The following CRPPA variants were observed in gnomAD, a reference collection of about 807,000 sequenced individuals.
The protein encoded by CRPPA is D-ribitol-5-phosphate cytidylyltransferase.
Under a neutral mutation model 52.0 loss-of-function variants are expected in CRPPA, and 43 were observed. That is an observed-to-expected ratio of 0.83 (90% CI 0.65 to 1.07). The LOEUF is 1.07. CRPPA is among the 50% of genes least tolerant of loss of function. The probability of loss-of-function intolerance (pLI) is 0.00; values close to 1 mark genes in which losing one functional copy is unlikely to be tolerated. For missense variants in CRPPA, 629 were observed against 551.7 expected, an observed-to-expected ratio of 1.14 and a Z score of -1.40; for synonymous variants, 250 against 203.5, an observed-to-expected ratio of 1.23 and a Z score of -1.94.
intron 9 of CRPPA, among the ~76,000 whole-genome samples, chr7:16,198,864 T>C (rs1781792008): frequency 1.3e-5 from 2 of 152,094 alleles, no homozygotes; most frequent in Non-Finnish European, 2.9e-5. Context: ...CTGAATTTTA[T>C]ATAATATAAA....
intron 5 of CRPPA, among the ~76,000 whole-genome samples, chr7:16,283,383 T>C (rs1357160193): frequency 6.6e-6 from 1 of 150,496 alleles, no homozygotes; most frequent in Non-Finnish European, 1.5e-5. Context: ...AGAACACAAA[T>C]AGCTTCCCTT....
rs139847056 is a variant in CRPPA at position 16,399,629 on chromosome 7, C to T, written c.534+6432G>A. Reference sequence around the variant, plus strand: ...GTGTCCAACACGTGACTGACCCGATCGACACATGATCGACATGTAATCAAC... The same window carrying T: ...GTGTCCAACACGTGACTGACCCGATTGACACATGATCGACATGTAATCAAC... On this transcript the variant is annotated intron_variant, in intron 2 of 9. Transcript: ENST00000407010. Among the ~76,000 whole-genome samples, 37 of 151,272 alleles carry T rather than the reference C, an allele frequency of 2.4e-4. No homozygotes were observed. The East Asian group carries it at 3.6e-3, about 15-fold the overall frequency.
rs1327673170 is a variant in CRPPA at position 16,376,166 on chromosome 7, C to G, written c.610G>C (p.Glu204Gln). 4 of 1,613,244 alleles carry G rather than the reference C, an allele frequency of 2.5e-6. No homozygotes were observed. In the East Asian group the frequency reaches 8.9e-5, roughly 36 times the overall value. ...TCACTTGCTCTGTGTCTGGCACGTTCTAGCGAGTAGTCTAAGCAACCATCA... is the reference window on the plus strand; with the variant it reads ...TCACTTGCTCTGTGTCTGGCACGTTGTAGCGAGTAGTCTAAGCAACCATCA... ...SADGCLDYSL[E>Q]RARHRASEMP... is the part of the protein sequence containing the mutation. Residue 204 changes from glutamate to glutamine, a missense_variant, in exon 3 of 10, where the codon GAA (glutamate) becomes CAA (glutamine). Coordinates refer to ENST00000407010, the MANE Select transcript of CRPPA (RefSeq NM_001101426.4).
chr7:16,143,085 A>G (rs1292701018), intron 9 of CRPPA, among the ~76,000 whole-genome samples: 1 of 152,204 alleles, frequency 6.6e-6, no homozygotes, highest in Non-Finnish European at 1.5e-5. Context: ...CAAACAAGGT[A>G]CTGAGAACAG....
chr7:16,409,113 G>A (rs751545064), intron 1 of CRPPA, among the ~76,000 whole-genome samples: 1 of 152,148 alleles, frequency 6.6e-6, no homozygotes, highest in Non-Finnish European at 1.5e-5. Context: ...TACTGGCCAG[G>A]CTGGTCTCTA....
chr7:16,382,558 G>A (rs1006816470), intron 2 of CRPPA, among the ~76,000 whole-genome samples: 2 of 151,982 alleles, frequency 1.3e-5, no homozygotes, highest in Middle Eastern at 3.2e-3. Context: ...GATTGGGGAA[G>A]TTCTCCTGGA....
chr7:16,238,862 G>A (rs895059417), intron 8 of CRPPA, among the ~76,000 whole-genome samples: 1 of 152,108 alleles, frequency 6.6e-6, no homozygotes, highest in Non-Finnish European at 1.5e-5. Context: ...TTAGGTCTGG[G>A]CACAGTGGCT....
intron 9 of CRPPA, among the ~76,000 whole-genome samples, chr7:16,114,435 A>G (rs1419776355): frequency 6.6e-6 from 1 of 152,088 alleles, no homozygotes; most frequent in African/African-American, 2.4e-5. Flanking sequence ...CTGTTCTGCC[A>G]TAAATGTTTG....
rs574959061 is a variant in CRPPA, at chr7:16,245,714, A to C, written c.1119+12676T>G. Among the ~76,000 whole-genome samples, 4 of 152,336 alleles carry C rather than the reference A, an allele frequency of 2.6e-5. No homozygotes were observed. The South Asian group carries it at 8.3e-4, about 32-fold the overall frequency. ...AATATTGGGAGTTTCCCTCCAGACTACTGGAGCCAATAAAGCAAATATCAC... is the reference window on the plus strand; with the variant it reads ...AATATTGGGAGTTTCCCTCCAGACTCCTGGAGCCAATAAAGCAAATATCAC... On this transcript the variant is annotated intron_variant, in intron 8 of 9. Transcript: ENST00000407010.
chr7:16,215,629 T>A (rs367580419), intron 9 of CRPPA, among the ~76,000 whole-genome samples: 1 of 152,224 alleles, frequency 6.6e-6, no homozygotes, highest in Non-Finnish European at 1.5e-5. Context: ...TAACATAACA[T>A]AAAAGTAAAT....
chr7:16,138,840 C>G (rs1310469150), intron 9 of CRPPA, among the ~76,000 whole-genome samples: 1 of 152,118 alleles, frequency 6.6e-6, no homozygotes, highest in Non-Finnish European at 1.5e-5. Context: ...TCACTCCTGT[C>G]GCCCAGGCAA....
chr7:16,385,933 G>T (rs1230155625), intron 2 of CRPPA, among the ~76,000 whole-genome samples: 1 of 152,096 alleles, frequency 6.6e-6, no homozygotes, highest in Non-Finnish European at 1.5e-5. Context: ...TCTAGGGGTG[G>T]GTACCCATGA....
intron 9 of CRPPA, among the ~76,000 whole-genome samples, chr7:16,118,274 T>C (rs1337523940): frequency 2.6e-5 from 4 of 152,194 alleles, no homozygotes; most frequent in Admixed American, 6.5e-5. Context: ...CTTACCAAGA[T>C]GGGGCCGACT....
At chr7:16,417,411 T>C (rs571202283) in intron 1 of CRPPA, among the ~76,000 whole-genome samples, 9 of 152,214 alleles carry the variant, frequency 5.9e-5, no homozygotes, top group African/African-American at 1.4e-4. Context: ...CAATGGTGGA[T>C]TGGATAAAGA....
rs566179705 is a variant in CRPPA at position 16,376,162 on chromosome 7, C to T, written c.614G>A (p.Arg205His). 45 of 1,613,020 alleles carry T rather than the reference C, an allele frequency of 2.8e-5. No homozygotes were observed. Among genetic ancestry groups the T allele is most frequent in the Non-Finnish European group, 3.6e-5 (42 of 1,179,532 alleles). The stretch of plus-strand genomic sequence containing the variant: ...CATTTCACTTGCTCTGTGTCTGGCA[C>T]GTTCTAGCGAGTAGTCTAAGCAACC... ...ADGCLDYSLE[R>H]ARHRASEMPQ... Residue 205 changes from arginine to histidine, a missense_variant, in exon 3 of 10, where the codon CGT becomes CAT. By Grantham distance (29) the Arg-to-His change is conservative (BLOSUM62 0). Transcript: ENST00000407010.
At chr7:16,296,727 C>T (rs1300375934) in intron 5 of CRPPA, among the ~76,000 whole-genome samples, 1 of 152,046 alleles carries the variant, frequency 6.6e-6, no homozygotes, top group African/African-American at 2.4e-5. Context: ...TTAAACAGTA[C>T]CCCAAATCAT....
At chr7:16,326,248 A>C (rs1240032603) in intron 3 of CRPPA, among the ~76,000 whole-genome samples, 1 of 152,158 alleles carries the variant, frequency 6.6e-6, no homozygotes, top group Non-Finnish European at 1.5e-5. Flanking sequence ...AAGGATTATC[A>C]TGATATTAAA....
intron 6 of CRPPA, among the ~76,000 whole-genome samples, chr7:16,272,455 T>C (rs1784112008): frequency 6.6e-6 from 1 of 152,218 alleles, no homozygotes; most frequent in Non-Finnish European, 1.5e-5. Flanking sequence ...CCATTATGTG[T>C]TGAGCAGCTC....
intron 5 of CRPPA, among the ~76,000 whole-genome samples, chr7:16,279,345 G>A (rs958746659): frequency 4.6e-5 from 7 of 152,042 alleles, no homozygotes; most frequent in African/African-American, 1.7e-4. Flanking sequence ...AGAATATTAT[G>A]CATTCCAGGA....
Sources: gnomAD v4.1 joint callset for allele counts (sites outside exome capture counted in the v4.1 genomes callset) on GRCh38, gnomAD v4.1.1 for gene constraint, MANE v1.5 for transcripts, NCBI Gene and HGNC (gene_info 2026-07-23, HGNC 2026-07-21) for gene names.